DAB1: variants seen among roughly 807,000 people sequenced by gnomAD.
DAB1 encodes DAB adaptor protein 1.
DAB1 carries 15 observed loss-of-function variants against 64.6 expected under a neutral mutation model. That is an observed-to-expected ratio of 0.23 (90% confidence interval 0.16 to 0.36). The LOEUF is 0.36. Among genes scored for constraint, DAB1 ranks in the 10% least tolerant of loss-of-function variants. The pLI is 1.00. For missense variants in DAB1, 596 were observed against 706.7 expected (o/e 0.84, Z 1.78); for synonymous variants, 235 against 251.9 (o/e 0.93, Z 0.64).
intron 4 of DAB1, among the ~76,000 whole-genome samples, chr1:57,101,376 A>G (rs1654671325): frequency 6.6e-6 from 1 of 152,230 alleles, no homozygotes; most frequent in Admixed American, 6.5e-5. Flanking sequence ...CCTTTGTTGA[A>G]AGGCAAACAT....
intron 3 of DAB1, among the ~76,000 whole-genome samples, chr1:58,479,656 C>T (rs1645453497): frequency 6.6e-6 from 1 of 152,104 alleles, no homozygotes; most frequent in Non-Finnish European, 1.5e-5. Context: ...GAGATTTTTA[C>T]TTATATTGAA....
intron 5 of DAB1, chr1:58,056,209 G>C (rs750969285): frequency 2.0e-6 from 3 of 1,519,618 alleles, no homozygotes; most frequent in Non-Finnish European, 2.7e-6. Context: ...GTCCTTGCGG[G>C]CTTCACGAGA....
chr1:57,597,458 GA>G (rs1168557394), intron 7 of DAB1, among the ~76,000 whole-genome samples: 2 of 152,158 alleles, frequency 1.3e-5, no homozygotes, highest in Non-Finnish European at 2.9e-5. Flanking sequence ...GAGTGTGGGA[GA>G]AAAAAACTAA....
Position 58,379,864 on chromosome 1 carries a change from T to C in DAB1, n.258-36461A>G, listed in dbSNP as rs559123161. Among the ~76,000 whole-genome samples the C allele has an allele frequency of 2.0e-5, 3 of 152,334 alleles. No homozygotes were observed. The South Asian group carries it at 6.2e-4, about 32-fold the overall frequency. On this transcript the variant is annotated intron_variant and non_coding_transcript_variant, in intron 3 of 20. Coordinates refer to the DAB1 transcript ENST00000485760. ...CCCAGTATTTTTCTCCCCATCTTCTTTTTTATATAGAACCTCTCAGTTTCA... is the reference window on the plus strand; with the variant it reads ...CCCAGTATTTTTCTCCCCATCTTCTCTTTTATATAGAACCTCTCAGTTTCA...
chr1:58,486,998 G>C (rs903210713), intron 3 of DAB1, among the ~76,000 whole-genome samples: 5 of 152,230 alleles, frequency 3.3e-5, no homozygotes, highest in African/African-American at 1.2e-4. Flanking sequence ...AGTTAGATGA[G>C]AAGCCACTAG....
chr1:58,227,620 G>A (rs561154480), intron 4 of DAB1, among the ~76,000 whole-genome samples: 8 of 152,210 alleles, frequency 5.3e-5, no homozygotes, highest in African/African-American at 1.7e-4. Context: ...AGAAAGTCAC[G>A]AAAGTTAGGG....
chr1:58,205,928 T>A (rs1005085399), intron 4 of DAB1, among the ~76,000 whole-genome samples: 2 of 152,214 alleles, frequency 1.3e-5, no homozygotes, highest in Admixed American at 6.5e-5. Context: ...TATCCTTTTC[T>A]GAGGCCAACT....
chr1:57,406,937 T>C (rs1683687867), intron 1 of DAB1, among the ~76,000 whole-genome samples: 2 of 152,242 alleles, frequency 1.3e-5, no homozygotes, highest in Admixed American at 6.5e-5. Context: ...AATTCAATTC[T>C]AGCAGTGACA....
At chr1:57,350,876 T>C (rs1322003879) in intron 1 of DAB1, among the ~76,000 whole-genome samples, 1 of 152,158 alleles carries the variant, frequency 6.6e-6, no homozygotes, top group Admixed American at 6.5e-5. Flanking sequence ...ATCTGGCTCA[T>C]ACAGAATTTA....
At chr1:57,574,977 G>A (rs1483596904) in intron 7 of DAB1, among the ~76,000 whole-genome samples, 1 of 152,160 alleles carries the variant, frequency 6.6e-6, no homozygotes. Flanking sequence ...GGAAAAGGAG[G>A]AGATGAAATG....
At chr1:57,793,793 T>A (rs892874164) in intron 6 of DAB1, among the ~76,000 whole-genome samples, 2 of 152,160 alleles carry the variant, frequency 1.3e-5, no homozygotes, top group Non-Finnish European at 2.9e-5. Context: ...GAGATAATTG[T>A]TGTAAATCAC....
intron 6 of DAB1, among the ~76,000 whole-genome samples, chr1:57,706,847 C>T (rs953353105): frequency 5.3e-5 from 8 of 151,686 alleles, no homozygotes; most frequent in Non-Finnish European, 1.2e-4. Context: ...CTGAGGTGGG[C>T]GCATCACCTG....
chr1:57,555,522 C>T (rs1160444765), intron 7 of DAB1, among the ~76,000 whole-genome samples: 4 of 151,718 alleles, frequency 2.6e-5, no homozygotes, highest in African/African-American at 9.7e-5. Context: ...TTACACAGGT[C>T]GTGTAAATAC....
chr1:57,728,368 C>A (rs569290187), intron 6 of DAB1, among the ~76,000 whole-genome samples: 121 of 152,182 alleles, frequency 8.0e-4, no homozygotes, highest in African/African-American at 2.8e-3. Context: ...CCACGGCAGG[C>A]AGATCATGAG....
At chr1:57,317,206 G>A (rs1439836531) in intron 1 of DAB1, among the ~76,000 whole-genome samples, 1 of 152,104 alleles carries the variant, frequency 6.6e-6, no homozygotes, top group African/African-American at 2.4e-5. Flanking sequence ...GTGAGGAACT[G>A]AGGTCCACCA....
At chr1:57,485,356 AC>A (rs1215669635) in intron 7 of DAB1, among the ~76,000 whole-genome samples, 2 of 152,132 alleles carry the variant, frequency 1.3e-5, no homozygotes, top group African/African-American at 2.4e-5. Context: ...TGTATTACTT[AC>A]CCCCTCTCTG....
chr1:57,112,331 G>A (rs1466353620), intron 4 of DAB1, among the ~76,000 whole-genome samples: 1 of 152,138 alleles, frequency 6.6e-6, no homozygotes, highest in Non-Finnish European at 1.5e-5. Context: ...CTGAGTCAGT[G>A]CATGCAGGGA....
chr1:57,886,368 A>G (rs1644222641), upstream of DAB1, among the ~76,000 whole-genome samples: 1 of 152,154 alleles, frequency 6.6e-6, no homozygotes, highest in Non-Finnish European at 1.5e-5. Flanking sequence ...TATGTTGGCC[A>G]GGCTGGTCTC....
At chr1:57,861,915 G>C (rs1178874474) in intron 1 of DAB1, among the ~76,000 whole-genome samples, 1 of 151,930 alleles carries the variant, frequency 6.6e-6, no homozygotes, top group Non-Finnish European at 1.5e-5. Flanking sequence ...TTTCTCTGAA[G>C]GTAGCAATAA....
Sources: gnomAD v4.1 joint callset for allele counts (sites outside exome capture counted in the v4.1 genomes callset) on GRCh38, gnomAD v4.1.1 for gene constraint, MANE v1.5 for transcripts, NCBI Gene and HGNC (gene_info 2026-07-23, HGNC 2026-07-21) for gene names.